The following CACNA1E variants were observed in gnomAD, a reference collection of about 807,000 sequenced individuals.
The protein encoded by CACNA1E is voltage-dependent R-type calcium channel subunit alpha-1E.
CACNA1E carries 40 observed loss-of-function variants against 259.2 expected under a neutral mutation model. The ratio of observed to expected loss-of-function variants is 0.15; its 90% CI spans 0.12 to 0.20. The LOEUF (loss-of-function observed/expected upper bound fraction) is 0.20. CACNA1E is among the 10% of genes least tolerant of loss of function. The probability of loss-of-function intolerance (pLI) is 1.00; values close to 1 mark genes in which losing one functional copy is unlikely to be tolerated. For missense variants in CACNA1E, 1,874 were observed against 3,040.1 expected (o/e 0.62, Z 9.02); for synonymous variants, 1,104 against 1,138.5 (o/e 0.97, Z 0.61).
In CACNA1E at chr1:181,772,315, G is replaced by T. The variant is rs1659587981; in HGVS notation, c.5139+84G>T. ...TCTGATACATAGACCGGAGATGTTTGCTTCAGTGTATGTTTGTGCCTCCCT... is the reference window on the plus strand; with the variant it reads ...TCTGATACATAGACCGGAGATGTTTTCTTCAGTGTATGTTTGTGCCTCCCT... On this transcript the variant is annotated intron_variant, in intron 37 of 47. Coordinates refer to ENST00000367573, the MANE Select transcript of CACNA1E (RefSeq NM_001205293.3). 5 of 1,405,858 alleles carry T rather than the reference G, an allele frequency of 3.6e-6. No homozygotes were observed. The Admixed American group carries it at 9.1e-5, about 26-fold the overall frequency. The allele number at this position is 1,405,858 out of a possible 1,614,324, so 87.1% of individuals were successfully genotyped here. A position where few individuals can be genotyped will look rare whatever the true frequency, so the allele number is the denominator to read the frequency against.
At chr1:181,609,928 T>C (rs1318856336) in intron 6 of CACNA1E, among the ~76,000 whole-genome samples, 1 of 152,176 alleles carries the variant, frequency 6.6e-6, no homozygotes, top group East Asian at 1.9e-4. Context: ...TCCCAGCATA[T>C]TGGCTGGAGT....
intron 3 of CACNA1E, among the ~76,000 whole-genome samples, chr1:181,563,931 AT>A (rs1649568274): frequency 1.3e-5 from 2 of 152,158 alleles, no homozygotes; most frequent in Non-Finnish European, 2.9e-5. Flanking sequence ...AGTGTAGTCT[AT>A]TAAGTGTGCA....
In CACNA1E at chr1:181,803,826, A is replaced by C. The variant is rs1662446384; in HGVS notation, c.*4992A>C. ...TTCATAGATTGTCCCAGCCTACCCA[A>C]AGGGCCTGAAAAGCCTCTCTAAACA... On this transcript the variant is annotated 3_prime_UTR_variant, in exon 48 of 48. Coordinates refer to ENST00000367573, the MANE Select transcript of CACNA1E (RefSeq NM_001205293.3). 6.6e-6 allele frequency: 1 copy of C among 152,194 alleles called. No homozygotes were observed. Among genetic ancestry groups the C allele is most frequent in the Non-Finnish European group, 1.5e-5 (1 of 68,048 alleles). 9.4% of individuals were successfully genotyped at this position (152,194 alleles called of 1,614,324 possible).
At chr1:181,601,404 C>A (rs1304483213) in intron 6 of CACNA1E, among the ~76,000 whole-genome samples, 1 of 152,168 alleles carries the variant, frequency 6.6e-6, no homozygotes, top group Non-Finnish European at 1.5e-5. Context: ...CGGCTCCTCC[C>A]CGTGATTCTT....
chr1:181,722,451 C>T (rs1272900649), intron 16 of CACNA1E, among the ~76,000 whole-genome samples: 1 of 152,186 alleles, frequency 6.6e-6, no homozygotes, highest in African/African-American at 2.4e-5. Flanking sequence ...AAACTAAAGT[C>T]CAGTTCCATC....
chr1:181,418,133 C>T (rs1658423654), intron 2 of CACNA1E, among the ~76,000 whole-genome samples: 1 of 152,176 alleles, frequency 6.6e-6, no homozygotes, highest in Non-Finnish European at 1.5e-5. Flanking sequence ...ATCACTTCCT[C>T]TTTCTTGAAA....
intron 37 of CACNA1E, 44 bp downstream of exon 37, chr1:181,772,275 T>C: frequency 1.3e-6 from 2 of 1,581,654 alleles, no homozygotes; most frequent in Non-Finnish European, 1.7e-6. Flanking sequence ...GCCCATCCCA[T>C]CCTACCCCTA....
intron 2 of CACNA1E, among the ~76,000 whole-genome samples, chr1:181,449,472 A>G (rs553630927): frequency 6.6e-6 from 1 of 152,230 alleles, no homozygotes; most frequent in African/African-American, 2.4e-5. Flanking sequence ...CTGTCTTTGC[A>G]CATTGATTGA....
chr1:181,325,964 G>A (rs1250138993), intron 1 of CACNA1E, among the ~76,000 whole-genome samples: 1 of 152,196 alleles, frequency 6.6e-6, no homozygotes, highest in South Asian at 2.1e-4. Context: ...CCAACTAGAC[G>A]GCCTTGCACT....
chr1:181,567,416 A>G (rs561025443), intron 3 of CACNA1E, among the ~76,000 whole-genome samples: 6 of 152,194 alleles, frequency 3.9e-5, no homozygotes, highest in East Asian at 3.8e-4. Context: ...ACTCAGAGCC[A>G]TATGTATTGA....
chr1:181,360,740 T>A (rs1299469810), intron 1 of CACNA1E, among the ~76,000 whole-genome samples: 4 of 152,234 alleles, frequency 2.6e-5, no homozygotes, highest in Non-Finnish European at 5.9e-5. Flanking sequence ...TTATGTTAAG[T>A]GAATTATATT....
intron 43 of CACNA1E, among the ~76,000 whole-genome samples, chr1:181,787,706 T>G (rs1218720623): frequency 6.6e-6 from 1 of 152,140 alleles, no homozygotes; most frequent in African/African-American, 2.4e-5. Context: ...TGTTGTGATG[T>G]CATGGAAACA....
intron 3 of CACNA1E, among the ~76,000 whole-genome samples, chr1:181,565,861 A>G (rs149788926): frequency 2.1e-5 from 3 of 143,740 alleles, no homozygotes; most frequent in African/African-American, 7.3e-5. Context: ...TAGCCATCTC[A>G]CAACTGCTTG....
At chr1:181,484,862 T>C (rs142286198) in intron 1 of CACNA1E, among the ~76,000 whole-genome samples, 1 of 152,292 alleles carries the variant, frequency 6.6e-6, no homozygotes, top group Non-Finnish European at 1.5e-5. Flanking sequence ...TCTCCCTAGC[T>C]CCAAAGGAAC....
chr1:181,780,623 C>T (rs191084518), intron 38 of CACNA1E, among the ~76,000 whole-genome samples: 3 of 152,332 alleles, frequency 2.0e-5, no homozygotes, highest in African/African-American at 7.2e-5. Context: ...CTTTAAACTC[C>T]ACCCTGGTGA....
chr1:181,662,991 C>G (rs1004051015), intron 7 of CACNA1E, among the ~76,000 whole-genome samples: 1 of 152,182 alleles, frequency 6.6e-6, no homozygotes, highest in Non-Finnish European at 1.5e-5. Context: ...TCCCTCTCAG[C>G]TTGTTTTAAC....
At chr1:181,620,801 G>A (rs1558193504) in intron 6 of CACNA1E, among the ~76,000 whole-genome samples, 1 of 152,200 alleles carries the variant, frequency 6.6e-6, no homozygotes, top group Non-Finnish European at 1.5e-5. Context: ...AGTCAGGAAA[G>A]GCTCATTCAC....
intron 7 of CACNA1E, among the ~76,000 whole-genome samples, chr1:181,671,735 C>A (rs1392060854): frequency 6.6e-6 from 1 of 152,142 alleles, no homozygotes; most frequent in Non-Finnish European, 1.5e-5. Context: ...GCTAAACAAA[C>A]AAACAAACAA....
chr1:181,323,868 C>T lies in CACNA1E; in HGVS notation c.-15+5745C>T, dbSNP rs183755906. On this transcript the variant is annotated intron_variant, in intron 1 of 11. Coordinates refer to the CACNA1E transcript ENST00000524607. Reference sequence around the variant, plus strand: ...TCAGACTCTGGGTTAATGAGCTATTCGGTGCTGAAGTCTGAGAGTCCTAGG... The same window carrying T: ...TCAGACTCTGGGTTAATGAGCTATTTGGTGCTGAAGTCTGAGAGTCCTAGG... 2.4e-4 allele frequency among the ~76,000 whole-genome samples: 36 copies of T among 152,256 alleles called. No individual in the cohort carries two copies. In the South Asian group the frequency reaches 5.2e-3, roughly 22 times the overall value.
Sources: gnomAD v4.1 joint callset for allele counts (sites outside exome capture counted in the v4.1 genomes callset) on GRCh38, gnomAD v4.1.1 for gene constraint, MANE v1.5 for transcripts, NCBI Gene and HGNC (gene_info 2026-07-23, HGNC 2026-07-21) for gene names.